The following DNAH9 variants were observed in gnomAD, a reference collection of about 807,000 sequenced individuals.
DNAH9 encodes the protein DNAH9 variant protein.
DNAH9 carries 345 observed loss-of-function variants against 471.6 expected under a neutral mutation model. The ratio of observed to expected loss-of-function variants is 0.73; its 90% CI spans 0.67 to 0.80. The LOEUF is 0.80. DNAH9 is among the 30% of genes least tolerant of loss of function. The pLI is 0.00. For missense variants in DNAH9, 5,407 were observed against 5,609.2 expected, an observed-to-expected ratio of 0.96 and a Z score of 1.15; for synonymous variants, 2,093 against 2,123.6, an observed-to-expected ratio of 0.99 and a Z score of 0.40.
intron 28 of DNAH9, among the ~76,000 whole-genome samples, chr17:11,729,767 G>C (rs1010180134): frequency 6.6e-6 from 1 of 152,246 alleles, no homozygotes; most frequent in Non-Finnish European, 1.5e-5. Context: ...GCAGGAGCCA[G>C]CTTCCATCCA....
chr17:11,939,859 GTGA>G (rs1232078490), intron 66 of DNAH9, among the ~76,000 whole-genome samples: 2 of 146,410 alleles, frequency 1.4e-5, no homozygotes, highest in Admixed American at 7.0e-5. Context: ...GGGTAGATGG[GTGA>G]TGATGGATAG....
rs1250706507 is a variant in DNAH9 at position 11,619,621 on chromosome 17, T to C, written c.1190T>C (p.Val397Ala). 5 of 1,614,134 alleles carry C rather than the reference T, an allele frequency of 3.1e-6. No homozygotes were observed. Among genetic ancestry groups the C allele is most frequent in the Non-Finnish European group, 4.2e-6 (5 of 1,179,972 alleles). The change falls in exon 6 of 69, where the codon GTC (valine) becomes GCC (alanine). Residue 397 changes from valine to alanine, a missense_variant. By Grantham distance (64) the Val-to-Ala change is moderately conservative (BLOSUM62 0). Around this residue, in one of 3 missense-constraint regions of DNAH9, gnomAD observed 767 missense variants for 692.5 expected, o/e 1.11. Transcript: ENST00000262442. ...VEESQRKLQVVSDTLSFFKQE... is the reference protein window; with the variant it reads ...VEESQRKLQVASDTLSFFKQE... Reference sequence around the variant, plus strand: ...GAAAGTCAGAGAAAACTGCAAGTGGTCTCAGACACTTTGAGCTTCTTCAAG... The same window carrying C: ...GAAAGTCAGAGAAAACTGCAAGTGGCCTCAGACACTTTGAGCTTCTTCAAG...
At chr17:11,906,994 T>G (rs1973623773) in intron 61 of DNAH9, among the ~76,000 whole-genome samples, 1 of 152,158 alleles carries the variant, frequency 6.6e-6, no homozygotes, top group Non-Finnish European at 1.5e-5. Context: ...AACCTGCACA[T>G]GTACCACTGA....
chr17:11,768,069 C>T (rs1249164200), intron 36 of DNAH9, among the ~76,000 whole-genome samples: 3 of 152,164 alleles, frequency 2.0e-5, no homozygotes, highest in African/African-American at 7.2e-5. Context: ...CTTAGGCTGC[C>T]ATCCTGGGAA....
In DNAH9 at chr17:11,757,653, A is replaced by G. The variant is rs780921865; in HGVS notation, c.6956A>G (p.Asp2319Gly). 1.9e-6 allele frequency: 3 copies of G among 1,614,150 alleles called. No individual in the cohort carries two copies. The East Asian group carries it at 6.7e-5, about 36-fold the overall frequency. Residue 2319 changes from aspartate (D) to glycine (G), a missense_variant, in exon 35 of 69, where the codon GAC becomes GGC. Coordinates refer to ENST00000262442, the MANE Select transcript of DNAH9 (RefSeq NM_001372.4). ...AGAGCCAACTTAACCATTTTGTTCGACAAGTATCTTCCAACCTGCCTAGAC... is the reference window on the plus strand; with the variant it reads ...AGAGCCAACTTAACCATTTTGTTCGGCAAGTATCTTCCAACCTGCCTAGAC... Reference protein sequence around the residue: ...TERANLTILFDKYLPTCLDTL... With the variant: ...TERANLTILFGKYLPTCLDTL...
chr17:11,780,849 T>C (rs1968639222), intron 38 of DNAH9, among the ~76,000 whole-genome samples, 160 bp from the exon 39 acceptor site: 1 of 152,234 alleles, frequency 6.6e-6, no homozygotes, highest in African/African-American at 2.4e-5. Context: ...GTAGAATGCC[T>C]GTTGGGAGCA....
In DNAH9 at chr17:11,931,984, C is replaced by T. The variant is rs765096825; in HGVS notation, c.12106-30C>T. On this transcript the variant is annotated intron_variant, in intron 63 of 68. Transcript: ENST00000262442. ...AGCCCCGTATAAGAGAAGTTGTGTG[C>T]GAACCTTAAAAGCGACACTCTCATT... The T allele has an allele frequency of 1.2e-5, 19 of 1,610,134 alleles. No homozygotes were observed. The East Asian group carries it at 1.3e-4, about 11-fold the overall frequency.
chr17:11,916,237 G>A (rs1973952916), intron 61 of DNAH9, among the ~76,000 whole-genome samples: 1 of 152,120 alleles, frequency 6.6e-6, no homozygotes, highest in Non-Finnish European at 1.5e-5. Context: ...CACGTAGTTT[G>A]CAGCTTCCTG....
At chr17:11,713,585 C>T (rs749921161) in intron 26 of DNAH9, among the ~76,000 whole-genome samples, 1 of 151,890 alleles carries the variant, frequency 6.6e-6, no homozygotes, top group African/African-American at 2.4e-5. Flanking sequence ...GAAGTGCAAA[C>T]GTTTTGAATT....
intron 22 of DNAH9, among the ~76,000 whole-genome samples, chr17:11,698,640 A>G (rs998823765): frequency 5.3e-5 from 8 of 152,008 alleles, no homozygotes; most frequent in African/African-American, 1.7e-4. Context: ...GTTGTTCTAA[A>G]TTTAGCATTA....
intron 65 of DNAH9, among the ~76,000 whole-genome samples, chr17:11,934,711 C>T (rs896421317): frequency 1.3e-5 from 2 of 152,114 alleles, no homozygotes; most frequent in Non-Finnish European, 2.9e-5. Context: ...CTGGGCCTCC[C>T]AAAGTGCTGG....
chr17:11,742,039 G>A, intron 29 of DNAH9, 136 bp from the exon 30 acceptor site: 1 of 707,564 alleles, frequency 1.4e-6, no homozygotes, highest in South Asian at 1.9e-5. Flanking sequence ...TGAAATAATG[G>A]CTCAGGTCTT....
At chr17:11,905,575 C>G (rs1351011648) in intron 60 of DNAH9, 86 bp from the exon 61 acceptor site, 3 of 1,432,434 alleles carry the variant, frequency 2.1e-6, no homozygotes, top group Non-Finnish European at 2.9e-6. Flanking sequence ...CATGTTCTTT[C>G]ATTTCTATAG....
At chr17:11,663,102 G>A (rs1778489125) in intron 14 of DNAH9, among the ~76,000 whole-genome samples, 1 of 152,172 alleles carries the variant, frequency 6.6e-6, no homozygotes, top group Admixed American at 6.5e-5. Context: ...CTGGAATCGA[G>A]CAGCTCTAAC....
chr17:11,693,484 C>T (rs1339161877), intron 20 of DNAH9, among the ~76,000 whole-genome samples: 1 of 151,668 alleles, frequency 6.6e-6, no homozygotes, highest in African/African-American at 2.4e-5. Context: ...GTCTCAAACT[C>T]CTGGCCTCAA....
intron 48 of DNAH9, among the ~76,000 whole-genome samples, chr17:11,833,849 T>C (rs1414095479): frequency 6.6e-6 from 1 of 152,202 alleles, no homozygotes; most frequent in African/African-American, 2.4e-5. Flanking sequence ...GGATTCACAG[T>C]AGACATTCCC....
intron 47 of DNAH9, 30 bp from the exon 48 acceptor site, chr17:11,822,771 A>G: frequency 6.2e-7 from 1 of 1,611,894 alleles, no homozygotes; most frequent in Non-Finnish European, 8.5e-7. Context: ...ACACAAGATA[A>G]TCTTTTCATT....
intron 53 of DNAH9, among the ~76,000 whole-genome samples, chr17:11,877,473 T>TTAAAAA (rs1428692448): frequency 1.5e-5 from 1 of 68,634 alleles, no homozygotes; most frequent in African/African-American, 6.9e-5. Flanking sequence ...AAACTCTGTC[T>TTAAAAA]AAAAAAAAAA....
At chr17:11,600,176 G>T (rs1475314954) in intron 1 of DNAH9, among the ~76,000 whole-genome samples, 1 of 152,156 alleles carries the variant, frequency 6.6e-6, no homozygotes, top group Non-Finnish European at 1.5e-5. Context: ...ACTGTGCATT[G>T]TCTGAAAGCC....
Sources: allele counts gnomAD v4.1 joint callset (sites outside exome capture counted in the v4.1 genomes callset), GRCh38; gene constraint gnomAD v4.1.1; regional missense constraint gnomAD v4.1.1; transcripts MANE v1.5; gene names NCBI Gene and HGNC (gene_info 2026-07-23, HGNC 2026-07-21).